The following BBOF1 variants were observed in gnomAD, a reference collection of about 807,000 sequenced individuals.
BBOF1 encodes basal body orientation factor 1.
In BBOF1, 62 loss-of-function variants were observed where a neutral mutation model predicts 68.0. The ratio of observed to expected loss-of-function variants is 0.91; its 90% confidence interval spans 0.74 to 1.13. The LOEUF (loss-of-function observed/expected upper bound fraction) is 1.13, where lower values mean the gene tolerates loss of function less well. BBOF1 is among the 50% of genes most tolerant of loss of function. The pLI, the probability that BBOF1 is intolerant of heterozygous loss-of-function variation, is 0.00. For missense variants in BBOF1, 534 were observed against 600.1 expected, an observed-to-expected ratio of 0.89 and a Z score of 1.15; for synonymous variants, 208 against 198.8, an observed-to-expected ratio of 1.05 and a Z score of -0.39.
intron 10 of BBOF1, among the ~76,000 whole-genome samples, chr14:74,079,674 C>T (rs1595134815): frequency 6.6e-6 from 1 of 151,986 alleles, no homozygotes; most frequent in Non-Finnish European, 1.5e-5. Context: ...CCTCATGATC[C>T]GCCCGCCTCA....
At chr14:74,022,409 A>G (rs898689126) in intron 1 of BBOF1, among the ~76,000 whole-genome samples, 2 of 152,124 alleles carry the variant, frequency 1.3e-5, no homozygotes, top group African/African-American at 4.8e-5. Context: ...TTAGCTGGGC[A>G]TAGTTGCATG....
rs2139723922 is a variant in BBOF1 at position 74,060,571 on chromosome 14, C to A, written c.1578+3313C>A. Reference sequence around the variant, plus strand: ...TCCCATCGATCTGATCTGAGCAAAGCTGACAAATGAAGCTGGTCAAAAATA... The same window carrying A: ...TCCCATCGATCTGATCTGAGCAAAGATGACAAATGAAGCTGGTCAAAAATA... On this transcript the variant is annotated intron_variant, in intron 11 of 11. Coordinates refer to ENST00000394009, the MANE Select transcript of BBOF1 (RefSeq NM_025057.3). 11 of 1,119,278 alleles carry A rather than the reference C, an allele frequency of 9.8e-6. No homozygotes were observed. In the South Asian group the frequency reaches 1.1e-4, roughly 11 times the overall value. The allele number at this position is 1,119,278 out of a possible 1,614,324, so 69.3% of individuals were successfully genotyped here. A position where few individuals can be genotyped will look rare whatever the true frequency, so the allele number is the denominator to read the frequency against.
chr14:74,054,191 T>A (rs2060132065), intron 8 of BBOF1, among the ~76,000 whole-genome samples: 1 of 151,998 alleles, frequency 6.6e-6, no homozygotes, highest in Non-Finnish European at 1.5e-5. Context: ...TTCGTATTTT[T>A]AGTAGAGACA....
At chr14:74,019,567 C>A in intron 1 of BBOF1, 33 bp downstream of exon 1, 1 of 1,561,952 alleles carries the variant, frequency 6.4e-7, no homozygotes, top group South Asian at 1.2e-5. Flanking sequence ...TCCCCTCTCC[C>A]TGGGCCTGCC....
At chr14:74,057,315 G>A (rs762161389) in intron 11 of BBOF1, 57 bp downstream of exon 11, 9 of 1,609,896 alleles carry the variant, frequency 5.6e-6, no homozygotes, top group East Asian at 4.5e-5. Flanking sequence ...TCCCCATGTC[G>A]CTTCTTGCTA....
In BBOF1 at chr14:74,033,973, C is replaced by T. The variant is rs1388387452; in HGVS notation, c.352-55C>T. ...GCGTAAGGCTTCAAATGAAACATGA[C>T]TTTGTGGGACTTCTGTTCTTTTTCC... On this transcript the variant is annotated intron_variant, in intron 3 of 11. Transcript: ENST00000394009. 6.2e-6 allele frequency: 9 copies of T among 1,462,532 alleles called. No homozygotes were observed. In the South Asian group the frequency reaches 1.2e-4, roughly 20 times the overall value. 90.6% of individuals were successfully genotyped at this position (1,462,532 alleles called of 1,614,324 possible).
chr14:74,055,253 A>C, intron 8 of BBOF1: 1 of 228,976 alleles, frequency 4.4e-6, no homozygotes, highest in South Asian at 4.9e-5. Flanking sequence ...GGTTCAAGCG[A>C]TTCTCCTGCC....
Position 74,049,801 on chromosome 14 carries a change from G to A in BBOF1, c.892G>A (p.Ala298Thr), listed in dbSNP as rs770805605. 6.2e-6 allele frequency: 10 copies of A among 1,614,046 alleles called. No individual in the cohort carries two copies. In the South Asian group the frequency reaches 9.9e-5, roughly 16 times the overall value. ...GAAGAAGGTAGTAAACTTGGAGACT[G>A]CTCTGAGTTACATGACCAAAGAGTT... ...LQKKVVNLET[A>T]LSYMTKEFES... Residue 298 changes from alanine (A) to threonine (T), a missense_variant, in exon 8 of 12, where the codon GCT (alanine) becomes ACT (threonine). Ala to Thr is a moderately conservative substitution (Grantham distance 58, BLOSUM62 0). Coordinates refer to ENST00000394009, the MANE Select transcript of BBOF1 (RefSeq NM_025057.3).
At chr14:74,032,277 C>T (rs1407877941) in intron 3 of BBOF1, among the ~76,000 whole-genome samples, 1 of 151,724 alleles carries the variant, frequency 6.6e-6, no homozygotes, top group Non-Finnish European at 1.5e-5. Flanking sequence ...CAGGCACCTG[C>T]CACCACACCT....
At chr14:74,061,620 C>G (rs1166682948) in intron 11 of BBOF1, among the ~76,000 whole-genome samples, 1 of 152,128 alleles carries the variant, frequency 6.6e-6, no homozygotes, top group African/African-American at 2.4e-5. Context: ...GCCACTGTAC[C>G]CAGCGGCCAT....
intron 9 of BBOF1, chr14:74,074,879 T>C (rs1273871387): frequency 2.5e-5 from 36 of 1,431,742 alleles, no homozygotes; most frequent in South Asian, 3.5e-5. Flanking sequence ...ATGACAATTA[T>C]GTAAAGAAGA....
chr14:74,076,514 A>G (rs1374033924), intron 9 of BBOF1, among the ~76,000 whole-genome samples: 2 of 152,128 alleles, frequency 1.3e-5, no homozygotes, highest in East Asian at 3.9e-4. Flanking sequence ...GGTGTCTGCC[A>G]CCACGCCCAG....
intron 8 of BBOF1, among the ~76,000 whole-genome samples, chr14:74,053,450 C>T (rs575003794): frequency 3.2e-4 from 49 of 151,612 alleles, no homozygotes; most frequent in African/African-American, 1.1e-3. Flanking sequence ...CTCTATTGCC[C>T]AGGTTGGAGT....
chr14:74,036,614 G>A (rs1484422054), intron 4 of BBOF1, among the ~76,000 whole-genome samples: 1 of 151,102 alleles, frequency 6.6e-6, no homozygotes, highest in African/African-American at 2.4e-5. Flanking sequence ...AACCTGGGAG[G>A]CGGAGGTAAC....
chr14:74,082,062 C>T (rs1221049795), intron 12 of BBOF1, among the ~76,000 whole-genome samples: 1 of 152,054 alleles, frequency 6.6e-6, no homozygotes, highest in Non-Finnish European at 1.5e-5. Flanking sequence ...CAAAAATTAG[C>T]TGGCATGGGG....
chr14:74,046,554 G>T (rs886278496), intron 6 of BBOF1, among the ~76,000 whole-genome samples: 1 of 152,066 alleles, frequency 6.6e-6, no homozygotes, highest in African/African-American at 2.4e-5. Flanking sequence ...TGTATTTTTA[G>T]TAGAGACAGG....
At chr14:74,046,899 C>A (rs2059963058) in intron 6 of BBOF1, 1 of 152,178 alleles carries the variant, frequency 6.6e-6, no homozygotes, top group Non-Finnish European at 1.5e-5. Flanking sequence ...CCACGCCCAG[C>A]TAATTTTTGT....
chr14:74,082,827 TAG>T (rs2139825078), exon 13 of BBOF1: 1 of 152,312 alleles, frequency 6.6e-6, no homozygotes, highest in Non-Finnish European at 1.5e-5. Context: ...AGAAAATACA[TAG>T]TGTCTGTTTC....
At chr14:74,057,716 G>T (rs1157766328) in intron 11 of BBOF1, 9 of 1,191,360 alleles carry the variant, frequency 7.6e-6, no homozygotes, top group African/African-American at 1.6e-5. Flanking sequence ...TTAGTACAAT[G>T]TAGAATCTGA....
Sources: gnomAD v4.1 joint callset for allele counts (sites outside exome capture counted in the v4.1 genomes callset) on GRCh38, gnomAD v4.1.1 for gene constraint, MANE v1.5 for transcripts, NCBI Gene and HGNC (gene_info 2026-07-23, HGNC 2026-07-21) for gene names.